The following NLN variants were observed in gnomAD, a reference collection of about 807,000 sequenced individuals.
NLN encodes the protein neurolysin, mitochondrial.
In NLN, 64 loss-of-function variants were observed where a neutral mutation model predicts 79.9. The observed-to-expected ratio is 0.80, with a 90% confidence interval of 0.65 to 0.99. The LOEUF (loss-of-function observed/expected upper bound fraction) is 0.99. NLN is among the 50% of genes least tolerant of loss of function. NLN has a pLI of 0.00. For missense variants in NLN, 835 were observed against 858.7 expected, an observed-to-expected ratio of 0.97 and a Z score of 0.34; for synonymous variants, 267 against 296.6, an observed-to-expected ratio of 0.90 and a Z score of 1.02.
rs941496845 is a variant in NLN at position 65,828,621 on chromosome 5, C to T, written c.*5706C>T. On this transcript the variant is annotated 3_prime_UTR_variant, in exon 13 of 13. Transcript: ENST00000380985. ...AATATGAGGAGGATTTAGTTCAGTA[C>T]GAGGAAGCTGTTTCTAATACTTTTT... The T allele has an allele frequency of 5.3e-5, 8 of 152,118 alleles. No homozygotes were observed. Among genetic ancestry groups the T allele is most frequent in the East Asian group, 1.9e-4 (1 of 5,200 alleles). 9.4% of individuals were successfully genotyped at this position (152,118 alleles called of 1,614,324 possible).
intron 1 of NLN, among the ~76,000 whole-genome samples, chr5:65,745,161 A>G (rs945373564): frequency 6.6e-6 from 1 of 152,176 alleles, no homozygotes; most frequent in African/African-American, 2.4e-5. Flanking sequence ...TCAGAGCTGG[A>G]TGAAAGCTAA....
At chr5:65,762,712 A>G (rs1579931008) in intron 2 of NLN, among the ~76,000 whole-genome samples, 1 of 151,988 alleles carries the variant, frequency 6.6e-6, no homozygotes, top group Admixed American at 6.6e-5. Flanking sequence ...CAAAAAAAAA[A>G]AAAATTGTAC....
At chr5:65,780,018 C>T (rs948439132) in intron 4 of NLN, 161 bp from the exon 5 acceptor site, 3 of 487,960 alleles carry the variant, frequency 6.1e-6, no homozygotes, top group Non-Finnish European at 1.1e-5. Flanking sequence ...TAGAGACTGG[C>T]TTTCACCATG....
intron 1 of NLN, chr5:65,733,179 C>G: frequency 6.7e-7 from 1 of 1,502,348 alleles, no homozygotes; most frequent in Non-Finnish European, 9.1e-7. Flanking sequence ...GTCTTAGTAA[C>G]CAAGCCTCAG....
chr5:65,743,553 T>TA (rs1758912503), intron 1 of NLN, among the ~76,000 whole-genome samples: 1 of 152,170 alleles, frequency 6.6e-6, no homozygotes, highest in East Asian at 1.9e-4. Context: ...CCAATAATGA[T>TA]AAAAAATATA....
chr5:65,815,794 A>G (rs1760657168), intron 12 of NLN, among the ~76,000 whole-genome samples: 2 of 152,188 alleles, frequency 1.3e-5, no homozygotes, highest in South Asian at 4.1e-4. Flanking sequence ...AAAAAAACCC[A>G]CAAATATTTG....
Position 65,788,450 on chromosome 5 carries a change from G to A in NLN, c.1291G>A (p.Val431Ile), listed in dbSNP as rs368000706. The A allele has an allele frequency of 1.9e-6, 3 of 1,613,868 alleles. No homozygotes were observed. The African/African-American group carries it at 4.0e-5, about 22-fold the overall frequency. ...TGTGAAGGATAAAGCTACAGGAGAAGTATTGGGACAGTTCTATTTGGACCT... is the reference window on the plus strand; with the variant it reads ...TGTGAAGGATAAAGCTACAGGAGAAATATTGGGACAGTTCTATTTGGACCT... ...YTVKDKATGE[V>I]LGQFYLDLYP... The change falls in exon 8 of 13, where the codon GTA (valine) becomes ATA (isoleucine). Residue 431 changes from valine to isoleucine, a missense_variant. Physicochemically the swap from Val to Ile is conservative, Grantham distance 29 (BLOSUM62 3). Transcript: ENST00000380985.
rs141310415 is a variant in NLN, at chr5:65,785,355, C to T, written c.823-420C>T. Among the ~76,000 whole-genome samples, 336 of 152,206 alleles carry T rather than the reference C, an allele frequency of 2.2e-3. 1 individual carries two copies. Among genetic ancestry groups the T allele is most frequent in the Non-Finnish European group, 2.8e-3 (192 of 68,016 alleles). ...TATGTTTTTAAAAATAGTAGCCATA[C>T]AACTGGGTATGAAATTAAAAAGATA... is the stretch of plus-strand genomic sequence containing the variant. On this transcript the variant is annotated intron_variant, in intron 6 of 12. Transcript: ENST00000380985.
At chr5:65,788,066 T>C in intron 7 of NLN, 52 bp from the exon 8 acceptor site, 1 of 1,566,236 alleles carries the variant, frequency 6.4e-7, no homozygotes, top group Non-Finnish European at 8.6e-7. Context: ...TATTTATGAG[T>C]ATGCTTGCTT....
rs547248060 is a variant in NLN, at chr5:65,723,210, G to C, written c.41+796G>C. Reference sequence around the variant, plus strand: ...ATTCAACAGAATAAAGAAAATGTGTGCTTCTTGCTAGCTATCAACAAAACT... The same window carrying C: ...ATTCAACAGAATAAAGAAAATGTGTCCTTCTTGCTAGCTATCAACAAAACT... On this transcript the variant is annotated intron_variant, in intron 1 of 12. Coordinates refer to ENST00000380985, the MANE Select transcript of NLN (RefSeq NM_020726.5). Among the ~76,000 whole-genome samples, 3 of 152,338 alleles carry C rather than the reference G, an allele frequency of 2.0e-5. No individual in the cohort carries two copies. In the East Asian group the frequency reaches 5.8e-4, roughly 29 times the overall value.
chr5:65,763,249 T>C (rs1366554404), intron 3 of NLN, 141 bp downstream of exon 3: 2 of 670,940 alleles, frequency 3.0e-6, no homozygotes, highest in Non-Finnish European at 5.0e-6. Context: ...CATTATATAG[T>C]ATTACATAAT....
chr5:65,763,304 A>T (rs1759379505), intron 3 of NLN, among the ~76,000 whole-genome samples, 196 bp downstream of exon 3: 1 of 152,220 alleles, frequency 6.6e-6, no homozygotes, highest in Non-Finnish European at 1.5e-5. Flanking sequence ...AATTCCATTC[A>T]CTTAAAGACC....
intron 1 of NLN, among the ~76,000 whole-genome samples, chr5:65,727,541 A>G (rs13182105): frequency 0.21 from 31,966 of 151,952 alleles, 3,902 homozygotes; most frequent in South Asian, 0.34. Context: ...AAAAACAAAA[A>G]GCAAAAAACC....
chr5:65,817,658 G>A (rs756283944), intron 12 of NLN, among the ~76,000 whole-genome samples: 8 of 152,178 alleles, frequency 5.3e-5, no homozygotes, highest in Non-Finnish European at 1.2e-4. Context: ...GAAGAAATAT[G>A]AACAAGTATC....
intron 1 of NLN, among the ~76,000 whole-genome samples, chr5:65,737,248 C>T (rs1380851922): frequency 6.6e-6 from 1 of 152,182 alleles, no homozygotes; most frequent in Non-Finnish European, 1.5e-5. Flanking sequence ...TTTATCCCCT[C>T]ACTTAAAGGG....
chr5:65,820,789 C>T (rs1318668814), intron 12 of NLN, among the ~76,000 whole-genome samples: 3 of 151,908 alleles, frequency 2.0e-5, no homozygotes, highest in African/African-American at 4.8e-5. Context: ...CACCTGTAAT[C>T]CCAGCACTTT....
chr5:65,813,077 C>T (rs1023674476), intron 12 of NLN, among the ~76,000 whole-genome samples: 4 of 152,192 alleles, frequency 2.6e-5, no homozygotes, highest in African/African-American at 9.7e-5. Flanking sequence ...AACAAATTAT[C>T]AAAATCAGGC....
intron 3 of NLN, among the ~76,000 whole-genome samples, chr5:65,765,601 C>T (rs897921508): frequency 2.6e-5 from 4 of 151,702 alleles, no homozygotes; most frequent in South Asian, 2.1e-4. Flanking sequence ...CCCAGCTACT[C>T]GGGAGGCTGA....
intron 11 of NLN, among the ~76,000 whole-genome samples, chr5:65,811,299 C>G (rs1214597476): frequency 6.6e-6 from 1 of 152,114 alleles, no homozygotes; most frequent in Non-Finnish European, 1.5e-5. Context: ...ACCTTTGTGT[C>G]ACAAGCCTTT....
Sources: gnomAD v4.1 joint callset for allele counts (sites outside exome capture counted in the v4.1 genomes callset) on GRCh38, gnomAD v4.1.1 for gene constraint, MANE v1.5 for transcripts, NCBI Gene and HGNC (gene_info 2026-07-23, HGNC 2026-07-21) for gene names.